The following IFT140 variants were observed in gnomAD, a reference collection of about 807,000 sequenced individuals.
IFT140 encodes intraflagellar transport protein 140 homolog.
Under a neutral mutation model 164.6 loss-of-function variants are expected in IFT140, and 133 were observed. The ratio of observed to expected loss-of-function variants is 0.81; its 90% CI spans 0.70 to 0.93. The LOEUF is 0.93. Among genes scored for constraint, IFT140 ranks in the 40% least tolerant of loss-of-function variants. IFT140 has a pLI of 0.00. For missense variants in IFT140, 2,045 were observed against 1,972.3 expected (o/e 1.04, Z -0.70); for synonymous variants, 860 against 817.3 (o/e 1.05, Z -0.89).
At chr16:1,536,545 C>T (rs551194596) in intron 19 of IFT140, among the ~76,000 whole-genome samples, 84 of 152,342 alleles carry the variant, frequency 5.5e-4, no homozygotes, top group African/African-American at 1.9e-3. Context: ...GGAAGCGTCA[C>T]GGAAGCTCCT....
chr16:1,572,359 C>T (rs2034064484), intron 13 of IFT140, among the ~76,000 whole-genome samples: 1 of 152,158 alleles, frequency 6.6e-6, no homozygotes, highest in South Asian at 2.1e-4. Context: ...GAAAGCATGC[C>T]CCACAGGCCG....
chr16:1,597,991 G>A (rs576196848), intron 4 of IFT140, among the ~76,000 whole-genome samples: 2 of 152,318 alleles, frequency 1.3e-5, no homozygotes, highest in South Asian at 4.1e-4. Context: ...TTATACTAAT[G>A]TGGGATTGGC....
rs114662425 is a variant in IFT140, at chr16:1,588,094, G to A, written c.811-70C>T. ...CGGCCTGTCCCGGCTTCAGGAGCCT[G>A]GAGTCTCTGGTCCTCAGTGACTTCA... On this transcript the variant is annotated intron_variant, in intron 7 of 30. Transcript: ENST00000426508. 6 of 1,287,574 alleles carry A rather than the reference G, an allele frequency of 4.7e-6. No individual in the cohort carries two copies. In the African/African-American group the frequency reaches 8.8e-5, roughly 19 times the overall value. The allele number at this position is 1,287,574 out of a possible 1,614,324, so 79.8% of individuals were successfully genotyped here. A position where few individuals can be genotyped will look rare whatever the true frequency, so the allele number is the denominator to read the frequency against.
At chr16:1,536,804 C>T (rs1195963948) in intron 19 of IFT140, among the ~76,000 whole-genome samples, 4 of 152,234 alleles carry the variant, frequency 2.6e-5, no homozygotes, top group African/African-American at 4.8e-5. Context: ...TCCAAGCCCA[C>T]GTGCTGCTCT....
In IFT140 at chr16:1,564,272, T is replaced by A; in HGVS notation, c.1902-110A>T. On this transcript the variant is annotated intron_variant, in intron 16 of 30. Transcript: ENST00000426508. This position sits in a 1 kb window ranked among gnomAD's most constrained non-coding sequence, Gnocchi z 5.5. Reference sequence around the variant, plus strand: ...CCAGGTGCTGTCCCAGACCATGGTGTCCACGCGCTCAGCTCTGGGAGAACT... The same window carrying A: ...CCAGGTGCTGTCCCAGACCATGGTGACCACGCGCTCAGCTCTGGGAGAACT... 1.5e-5 allele frequency: 13 copies of A among 856,862 alleles called. No individual in the cohort carries two copies. Among genetic ancestry groups the A allele is most frequent in the Non-Finnish European group, 2.2e-5 (13 of 591,316 alleles). The allele number at this position is 856,862 out of a possible 1,614,324, so 53.1% of individuals were successfully genotyped here.
At position 1,523,922 on chromosome 16, in the gene IFT140, G is replaced by A. The variant is rs779603114; in HGVS notation, c.3176C>T (p.Ala1059Val). ...NGLDDQLMNL[A>V]LLSSPEDMIE... Reference sequence around the variant, plus strand: ...CATGTCCTCGGGGGAGCTCAGCAGGGCCAAGTTCATGAGCTGGTCGTCCAG... The same window carrying A: ...CATGTCCTCGGGGGAGCTCAGCAGGACCAAGTTCATGAGCTGGTCGTCCAG... The change falls in exon 25 of 31, where the codon GCC becomes GTC. Residue 1059 changes from alanine (A) to valine (V), a missense_variant. Transcript: ENST00000426508. The A allele has an allele frequency of 6.2e-7, 1 of 1,613,116 alleles. No individual in the cohort carries two copies. Among genetic ancestry groups the A allele is most frequent in the East Asian group, 2.2e-5 (1 of 44,882 alleles).
At chr16:1,535,935 C>T (rs1021325786) in intron 19 of IFT140, among the ~76,000 whole-genome samples, 3 of 152,258 alleles carry the variant, frequency 2.0e-5, no homozygotes, top group African/African-American at 4.8e-5. Context: ...TCCGGCCAGG[C>T]GCCCTTCTTC....
intron 3 of IFT140, among the ~76,000 whole-genome samples, chr16:1,605,231 C>T (rs1012287693): frequency 2.6e-5 from 4 of 152,066 alleles, no homozygotes; most frequent in Admixed American, 6.5e-5. Flanking sequence ...CCTGCGCTCT[C>T]GGGCATGTTT....
Position 1,524,779 on chromosome 16 carries a change from C to G in IFT140, c.2997+5G>C, listed in dbSNP as rs2040628555. 6.2e-7 allele frequency: 1 copy of G among 1,603,238 alleles called. No homozygotes were observed. Among genetic ancestry groups the G allele is most frequent in the Non-Finnish European group, 8.5e-7 (1 of 1,171,434 alleles). Reference sequence around the variant, plus strand: ...GCCTGGCCGGCTCCCCTGCGGGGACCTTACCTTCTGGACATTGCCCTGGAA... The same window carrying G: ...GCCTGGCCGGCTCCCCTGCGGGGACGTTACCTTCTGGACATTGCCCTGGAA... On this transcript the variant is annotated splice_donor_5th_base_variant and intron_variant, in intron 23 of 30. Coordinates refer to ENST00000426508, the MANE Select transcript of IFT140 (RefSeq NM_014714.4).
chr16:1,570,146 G>A (rs1596383674), intron 14 of IFT140, among the ~76,000 whole-genome samples: 2 of 152,288 alleles, frequency 1.3e-5, no homozygotes, highest in Middle Eastern at 6.8e-3. Flanking sequence ...TGGTCCTAGA[G>A]TCAGCATCTC....
At chr16:1,594,549 A>C (rs573642295) in intron 4 of IFT140, among the ~76,000 whole-genome samples, 81 of 152,296 alleles carry the variant, frequency 5.3e-4, no homozygotes, top group Non-Finnish European at 1.0e-3. Context: ...CCAGTTCTGG[A>C]ATCAGCCATT....
In IFT140 at chr16:1,584,282, G is replaced by A. The variant is rs1482041898; in HGVS notation, c.1294C>T (p.Leu432=). 1 of 1,613,806 alleles carries A rather than the reference G, an allele frequency of 6.2e-7. No individual in the cohort carries two copies. The highest frequency in any genetic ancestry group is 1.3e-5 in the African/African-American group (1 of 74,924). The part of the protein sequence containing the change: ...VSPSLLNVCF[L]STGVAHSLRT... ...AGGCTGTGTGCGACCCCCGTGGACAGGAAGCACACATTCAGCAGACTCGGG... is the reference window on the plus strand; with the variant it reads ...AGGCTGTGTGCGACCCCCGTGGACAAGAAGCACACATTCAGCAGACTCGGG... The change falls in exon 11 of 31, where the codon CTG becomes TTG. Residue 432 remains leucine (L), a synonymous_variant. Transcript: ENST00000426508.
chr16:1,599,791 C>T, intron 4 of IFT140, among the ~76,000 whole-genome samples: 1 of 78,144 alleles, frequency 1.3e-5, no homozygotes, highest in Non-Finnish European at 2.3e-5. Flanking sequence ...GGGTGTCAGC[C>T]CCCCGCCCGG....
At chr16:1,529,390 A>G (rs1044217808) in intron 19 of IFT140, among the ~76,000 whole-genome samples, 2 of 152,130 alleles carry the variant, frequency 1.3e-5, no homozygotes, top group Non-Finnish European at 2.9e-5. Flanking sequence ...ATGGCCTCAC[A>G]TGGGGCTCCT....
chr16:1,606,614 C>T (rs1454194841), intron 3 of IFT140, among the ~76,000 whole-genome samples: 1 of 152,228 alleles, frequency 6.6e-6, no homozygotes, highest in Non-Finnish European at 1.5e-5. Flanking sequence ...GCATGAGCCA[C>T]CATGCCCGGC....
At chr16:1,595,678 G>A (rs1203552678) in intron 4 of IFT140, among the ~76,000 whole-genome samples, 1 of 151,832 alleles carries the variant, frequency 6.6e-6, no homozygotes, top group Non-Finnish European at 1.5e-5. Flanking sequence ...AATAGCATGT[G>A]GCATGTAAGT....
chr16:1,521,917 T>TAA (rs780485191), intron 26 of IFT140, among the ~76,000 whole-genome samples: 7 of 131,538 alleles, frequency 5.3e-5, no homozygotes, highest in African/African-American at 1.1e-4. Flanking sequence ...CATTTATATT[T>TAA]AAAAAAAAAA....
intron 14 of IFT140, among the ~76,000 whole-genome samples, chr16:1,568,535 A>G (rs2033848761): frequency 2.6e-5 from 4 of 152,246 alleles, no homozygotes. Flanking sequence ...CTTACGAACA[A>G]GGACGAATAT....
chr16:1,595,442 C>T (rs1417392565), intron 4 of IFT140, among the ~76,000 whole-genome samples: 1 of 151,624 alleles, frequency 6.6e-6, no homozygotes, highest in East Asian at 2.0e-4. Flanking sequence ...ATGGTGAAAC[C>T]TGGTCCCTAC....
Sources: gnomAD v4.1 joint callset for allele counts (sites outside exome capture counted in the v4.1 genomes callset) on GRCh38, gnomAD v4.1.1 for gene constraint, Gnocchi (gnomAD v3.1) non-coding constraint, MANE v1.5 for transcripts, NCBI Gene and HGNC (gene_info 2026-07-23, HGNC 2026-07-21) for gene names.